KATNAL2: variants seen among roughly 807,000 people sequenced by gnomAD.
KATNAL2 encodes the protein katanin p60 ATPase-containing subunit A-like 2.
A neutral mutation model predicts 76.3 loss-of-function variants in KATNAL2; 52 were observed. The observed-to-expected ratio is 0.68, with a 90% CI of 0.55 to 0.86. The LOEUF (loss-of-function observed/expected upper bound fraction) is 0.86, where lower values mean the gene tolerates loss of function less well. Ranked by LOEUF, KATNAL2 falls within the 40% of genes least tolerant of loss-of-function variation. The pLI is 0.00. For missense variants in KATNAL2, 660 were observed against 668.9 expected, an observed-to-expected ratio of 0.99 and a Z score of 0.15; for synonymous variants, 243 against 244.2, an observed-to-expected ratio of 1.00 and a Z score of 0.05.
chr18:47,058,346 T>G lies in KATNAL2; in HGVS notation c.444T>G (p.Pro148=), dbSNP rs1317119250. 6.2e-7 allele frequency: 1 copy of G among 1,604,852 alleles called. No homozygotes were observed. The highest frequency in any genetic ancestry group is 8.5e-7 in the Non-Finnish European group (1 of 1,171,696). Residue 148 remains proline (P), a synonymous_variant, in exon 7 of 18, where the codon CCT becomes CCG. Coordinates refer to ENST00000683218, the MANE Select transcript of KATNAL2 (RefSeq NM_001387690.1). ...GDTKSLNKEH[P]NQEVVDNTRL... ...CCAAATCGCTCAATAAGGAGCATCC[T>G]AATCAGGTCAGGATGGCTTGGCTTG... is the stretch of plus-strand genomic sequence containing the variant.
intron 15 of KATNAL2, among the ~76,000 whole-genome samples, chr18:47,092,713 T>C (rs1599864194): frequency 2.6e-5 from 4 of 152,240 alleles, no homozygotes; most frequent in Admixed American, 2.6e-4. Flanking sequence ...CTGCACCTAG[T>C]CTATAGAGGA....
At chr18:47,043,336 A>G (rs1208190405) in intron 3 of KATNAL2, among the ~76,000 whole-genome samples, 1 of 152,182 alleles carries the variant, frequency 6.6e-6, no homozygotes, top group East Asian at 1.9e-4. Flanking sequence ...TCAAGCTATC[A>G]AGCTTAAAGT....
intron 1 of KATNAL2, chr18:46,920,298 C>T (rs925071368): frequency 1.8e-5 from 6 of 337,664 alleles, no homozygotes; most frequent in African/African-American, 6.4e-5. Flanking sequence ...AGTGTGGACC[C>T]GTGCCCTAAG....
chr18:46,966,321 T>C (rs2060135345), intron 3 of KATNAL2, among the ~76,000 whole-genome samples: 1 of 104,282 alleles, frequency 9.6e-6, no homozygotes, highest in Non-Finnish European at 2.1e-5. Context: ...CTGAATTCTA[T>C]CTGGGGTAGA....
At position 47,069,560 on chromosome 18, in the gene KATNAL2, T is replaced by C. The variant is rs776952743; in HGVS notation, c.968T>C (p.Ile323Thr). Residue 323 changes from isoleucine to threonine, a missense_variant, in exon 13 of 18, where the codon ATT becomes ACT. Coordinates refer to ENST00000683218, the MANE Select transcript of KATNAL2 (RefSeq NM_001387690.1). Reference protein sequence around the residue: ...TTFFNISASTIVSKWRGDSEK... With the variant: ...TTFFNISASTTVSKWRGDSEK... Reference sequence around the variant, plus strand: ...TTCTTTAACATTTCTGCATCCACCATTGTCAGCAAATGGAGAGGGGATTCA... The same window carrying C: ...TTCTTTAACATTTCTGCATCCACCACTGTCAGCAAATGGAGAGGGGATTCA... The C allele has an allele frequency of 6.8e-6, 11 of 1,613,874 alleles. No individual in the cohort carries two copies. Among genetic ancestry groups the C allele is most frequent in the Non-Finnish European group, 9.3e-6 (11 of 1,179,940 alleles).
chr18:46,955,873 C>A (rs998465189), intron 3 of KATNAL2, among the ~76,000 whole-genome samples: 1 of 152,046 alleles, frequency 6.6e-6, no homozygotes, highest in Admixed American at 6.6e-5. Flanking sequence ...ATTTTTTATT[C>A]CTTTATCATC....
intron 3 of KATNAL2, among the ~76,000 whole-genome samples, chr18:46,953,096 G>A (rs530650309): frequency 3.3e-5 from 5 of 151,300 alleles, no homozygotes; most frequent in African/African-American, 4.8e-5. Flanking sequence ...GGGTTTCACC[G>A]TGTTAGCCAG....
At chr18:47,053,975 CGTT>C (rs2061405206) in intron 5 of KATNAL2, among the ~76,000 whole-genome samples, 1 of 152,174 alleles carries the variant, frequency 6.6e-6, no homozygotes, top group Non-Finnish European at 1.5e-5. Context: ...ATATTGGACA[CGTT>C]ATTTTTATTT....
At chr18:46,957,853 C>T (rs879651667) in intron 3 of KATNAL2, among the ~76,000 whole-genome samples, 6 of 152,050 alleles carry the variant, frequency 3.9e-5, no homozygotes, top group African/African-American at 7.2e-5. Flanking sequence ...TGAGCCACCG[C>T]GCCCAGCCTA....
intron 15 of KATNAL2, among the ~76,000 whole-genome samples, chr18:47,080,583 G>A (rs376409313): frequency 1.4e-4 from 21 of 152,220 alleles, no homozygotes; most frequent in African/African-American, 4.3e-4. Flanking sequence ...GCCACTCTAC[G>A]TTTGATTAGT....
At chr18:47,075,115 G>A (rs750617849) in intron 13 of KATNAL2, among the ~76,000 whole-genome samples, 162 bp from the exon 14 acceptor site, 9 of 152,214 alleles carry the variant, frequency 5.9e-5, no homozygotes, top group Admixed American at 1.3e-4. Flanking sequence ...CCCATGGGGT[G>A]AAGGTAGGGA....
chr18:46,949,614 C>T (rs1271164041), intron 3 of KATNAL2, among the ~76,000 whole-genome samples: 1 of 152,188 alleles, frequency 6.6e-6, no homozygotes, highest in Admixed American at 6.6e-5. Flanking sequence ...ATAGGGGAAG[C>T]CACCCCAGTG....
At chr18:47,050,709 G>A (rs866757228) in intron 4 of KATNAL2, among the ~76,000 whole-genome samples, 3 of 152,232 alleles carry the variant, frequency 2.0e-5, no homozygotes, top group Non-Finnish European at 2.9e-5. Context: ...GGACATATGA[G>A]TGTCAATAAA....
intron 10 of KATNAL2, among the ~76,000 whole-genome samples, chr18:47,065,458 A>T (rs1257120570): frequency 6.6e-6 from 1 of 151,368 alleles, no homozygotes; most frequent in Non-Finnish European, 1.5e-5. Flanking sequence ...CGGGGGGGGA[A>T]CAGGGAGAGG....
intron 5 of KATNAL2, 99 bp downstream of exon 5, chr18:47,053,145 A>T: frequency 1.0e-6 from 1 of 987,562 alleles, no homozygotes; most frequent in Non-Finnish European, 1.5e-6. Flanking sequence ...CTCACCCTGC[A>T]CCAAAGGAGT....
At chr18:46,938,894 A>T (rs2059164900) in intron 1 of KATNAL2, among the ~76,000 whole-genome samples, 2 of 151,998 alleles carry the variant, frequency 1.3e-5, no homozygotes, top group Admixed American at 1.3e-4. Context: ...TCACTACCTC[A>T]AATTATATTA....
intron 15 of KATNAL2, among the ~76,000 whole-genome samples, chr18:47,088,390 G>A (rs1425843000): frequency 6.6e-6 from 1 of 152,092 alleles, no homozygotes; most frequent in East Asian, 1.9e-4. Flanking sequence ...GTTGTAAGAG[G>A]GTGAACTAGA....
intron 15 of KATNAL2, among the ~76,000 whole-genome samples, chr18:47,093,361 G>C (rs1316063310): frequency 1.4e-5 from 2 of 147,402 alleles, no homozygotes; most frequent in Admixed American, 1.3e-4. Context: ...AAGTTTTCTT[G>C]AATGATTTCT....
chr18:47,064,655 C>A (rs1400188099), intron 10 of KATNAL2, among the ~76,000 whole-genome samples: 8 of 152,078 alleles, frequency 5.3e-5, no homozygotes. Flanking sequence ...TGCAGTAACC[C>A]CAAATTAATA....
Sources: allele counts gnomAD v4.1 joint callset (sites outside exome capture counted in the v4.1 genomes callset), GRCh38; gene constraint gnomAD v4.1.1; transcripts MANE v1.5; gene names NCBI Gene and HGNC (gene_info 2026-07-23, HGNC 2026-07-21).